CDKAL1: variants seen among roughly 807,000 people sequenced by gnomAD.
CDKAL1 encodes threonylcarbamoyladenosine tRNA methylthiotransferase.
In CDKAL1, 32 loss-of-function variants were observed where a neutral mutation model predicts 68.2. That is an observed-to-expected ratio of 0.47 (90% CI 0.35 to 0.63). The LOEUF (loss-of-function observed/expected upper bound fraction) is 0.63. Ranked by LOEUF, CDKAL1 falls within the 30% of genes least tolerant of loss-of-function variation. CDKAL1 has a pLI of 0.00. For synonymous variants in CDKAL1, 234 were observed against 244.3 expected (o/e 0.96, Z 0.39); for missense variants, 606 against 696.7 (o/e 0.87, Z 1.47).
chr6:20,827,641 T>A (rs761978540), intron 8 of CDKAL1, among the ~76,000 whole-genome samples: 2 of 152,170 alleles, frequency 1.3e-5, no homozygotes, highest in Non-Finnish European at 2.9e-5. Flanking sequence ...CATGGAAGAC[T>A]AAGTTATGTG....
intron 4 of CDKAL1, among the ~76,000 whole-genome samples, chr6:20,577,196 T>C (rs927583630): frequency 6.6e-6 from 1 of 152,228 alleles, no homozygotes; most frequent in African/African-American, 2.4e-5. Flanking sequence ...AGGTACTACC[T>C]GGTGGCAGTA....
At chr6:20,918,099 A>G (rs755664107) in intron 9 of CDKAL1, among the ~76,000 whole-genome samples, 9 of 152,214 alleles carry the variant, frequency 5.9e-5, no homozygotes, top group Non-Finnish European at 1.0e-4. Context: ...CGACAGCCCA[A>G]GACTCTGTTT....
intron 9 of CDKAL1, among the ~76,000 whole-genome samples, chr6:20,847,637 C>T (rs1181712446): frequency 6.6e-6 from 1 of 152,114 alleles, no homozygotes; most frequent in African/African-American, 2.4e-5. Flanking sequence ...TGAAAATCTC[C>T]TCTTCACTCG....
intron 9 of CDKAL1, among the ~76,000 whole-genome samples, chr6:20,863,585 A>G (rs969294903): frequency 6.6e-6 from 1 of 152,216 alleles, no homozygotes; most frequent in African/African-American, 2.4e-5. Context: ...AGCACTGTAA[A>G]TGTCTGGATG....
intron 2 of CDKAL1, among the ~76,000 whole-genome samples, chr6:20,538,980 T>C (rs12204173): frequency 0.28 from 42,349 of 152,162 alleles, 6,077 homozygotes; most frequent in Middle Eastern, 0.36. Flanking sequence ...ATGAGGAAGA[T>C]ACAATTATAT....
At chr6:20,747,735 C>T (rs1467694942) in intron 6 of CDKAL1, among the ~76,000 whole-genome samples, 1 of 152,146 alleles carries the variant, frequency 6.6e-6, no homozygotes, top group African/African-American at 2.4e-5. Context: ...ACATGAACCC[C>T]TTATCAGGTA....
intron 4 of CDKAL1, among the ~76,000 whole-genome samples, chr6:20,552,943 T>G (rs1353417853): frequency 6.6e-6 from 1 of 152,224 alleles, no homozygotes; most frequent in Non-Finnish European, 1.5e-5. Context: ...AATGAGAATG[T>G]ATAAAGTTTA....
At chr6:21,169,770 G>A (rs949883010) in intron 13 of CDKAL1, among the ~76,000 whole-genome samples, 3 of 152,154 alleles carry the variant, frequency 2.0e-5, no homozygotes, top group African/African-American at 7.2e-5. Context: ...ACATGGCTGG[G>A]GAGGCCTCAT....
intron 10 of CDKAL1, among the ~76,000 whole-genome samples, chr6:20,977,991 A>C (rs1039786917): frequency 1.3e-5 from 2 of 152,244 alleles, no homozygotes; most frequent in East Asian, 1.9e-4. Flanking sequence ...AGAGAAAATA[A>C]GCAATTGTAG....
intron 4 of CDKAL1, among the ~76,000 whole-genome samples, chr6:20,603,678 C>T (rs1423021915): frequency 1.3e-5 from 2 of 151,446 alleles, no homozygotes; most frequent in African/African-American, 2.4e-5. Context: ...GTGGACAGAA[C>T]TTCTGTGCAT....
At chr6:20,891,737 G>C (rs1317593712) in intron 9 of CDKAL1, among the ~76,000 whole-genome samples, 2 of 152,026 alleles carry the variant, frequency 1.3e-5, no homozygotes, top group Admixed American at 1.3e-4. Flanking sequence ...GTTTCACCAT[G>C]TTGGCCATGG....
chr6:21,032,504 C>T (rs1490093593), intron 11 of CDKAL1, among the ~76,000 whole-genome samples: 1 of 152,122 alleles, frequency 6.6e-6, no homozygotes, highest in Non-Finnish European at 1.5e-5. Flanking sequence ...CCTATTCTTA[C>T]CAGTTTGTTA....
intron 9 of CDKAL1, among the ~76,000 whole-genome samples, chr6:20,885,998 C>G (rs994100379): frequency 6.6e-6 from 1 of 152,110 alleles, no homozygotes; most frequent in Non-Finnish European, 1.5e-5. Flanking sequence ...GATCATGCCA[C>G]GACACTCCAG....
chr6:20,602,705 A>G (rs776944350), intron 4 of CDKAL1, among the ~76,000 whole-genome samples: 1 of 152,130 alleles, frequency 6.6e-6, no homozygotes, highest in Admixed American at 6.5e-5. Context: ...ATGATTCCTC[A>G]GAGGTTACTT....
chr6:20,600,771 C>CATATATATATATATATATATATATAT (rs10522824), intron 4 of CDKAL1, among the ~76,000 whole-genome samples: 3 of 124,172 alleles, frequency 2.4e-5, no homozygotes, highest in African/African-American at 5.8e-5. Context: ...TATATGTATA[C>CATATATATATATATATATATATATAT]ATATATATAT....
chr6:20,933,149 T>C (rs963778049), intron 9 of CDKAL1, among the ~76,000 whole-genome samples: 2 of 152,188 alleles, frequency 1.3e-5, no homozygotes, highest in Admixed American at 1.3e-4. Flanking sequence ...ATTAGCAGTG[T>C]AGCATGAAGG....
chr6:20,889,427 T>C (rs1313573739), intron 9 of CDKAL1, among the ~76,000 whole-genome samples: 2 of 152,154 alleles, frequency 1.3e-5, no homozygotes, highest in African/African-American at 4.8e-5. Context: ...TTTGGTGTTT[T>C]AGACATGAAG....
rs1214230903 is a variant in CDKAL1, at chr6:20,726,326, CT to C, written c.372-13189del. Among the ~76,000 whole-genome samples the C allele has an allele frequency of 3.3e-5, 5 of 152,284 alleles. No individual in the cohort carries two copies. The East Asian group carries it at 9.6e-4, about 29-fold the overall frequency. The stretch of plus-strand genomic sequence containing the variant: ...CCCCACCTGTTCTCCATATATCCTA[CT>C]TTTCTGCACCAATCCAGTATATACC... On this transcript the variant is annotated intron_variant, in intron 5 of 15. Transcript: ENST00000274695.
intron 10 of CDKAL1, 104 bp downstream of exon 10, chr6:20,955,689 C>A: frequency 2.1e-6 from 2 of 972,394 alleles, no homozygotes; most frequent in South Asian, 2.3e-5. Context: ...AACTCCTTCA[C>A]ATTTTTTTTT....
Sources: gnomAD v4.1 joint callset for allele counts (sites outside exome capture counted in the v4.1 genomes callset) on GRCh38, gnomAD v4.1.1 for gene constraint, MANE v1.5 for transcripts, NCBI Gene and HGNC (gene_info 2026-07-23, HGNC 2026-07-21) for gene names.